The following WSB2 variants were observed in gnomAD, a reference collection of about 807,000 sequenced individuals.
WSB2 encodes the protein WD repeat and SOCS box containing 2.
In WSB2, 12 loss-of-function variants were observed where a neutral mutation model predicts 48.8. The ratio of observed to expected loss-of-function variants is 0.25; its 90% confidence interval spans 0.16 to 0.40. The LOEUF is 0.40. WSB2 is among the 10% of genes least tolerant of loss of function. The pLI is 1.00. For missense variants in WSB2, 317 were observed against 506.2 expected, an observed-to-expected ratio of 0.63 and a Z score of 3.59; for synonymous variants, 191 against 203.1, an observed-to-expected ratio of 0.94 and a Z score of 0.51.
chr12:118,062,112 C>T, upstream of WSB2: 1 of 1,535,392 alleles, frequency 6.5e-7, no homozygotes, highest in South Asian at 1.2e-5. Context: ...CGGCGACAGC[C>T]TCGCCTGTCC....
intron 4 of WSB2, 50 bp downstream of exon 4, chr12:118,042,791 G>A (rs1436918390): frequency 6.3e-7 from 1 of 1,592,658 alleles, no homozygotes; most frequent in South Asian, 1.1e-5. Context: ...AGTGGAGAAA[G>A]CAAATACAGT....
At chr12:118,035,656 G>C (rs2031494581) in intron 6 of WSB2, 1 of 213,190 alleles carries the variant, frequency 4.7e-6, no homozygotes, top group Admixed American at 5.2e-5. Flanking sequence ...CCTATTATTT[G>C]CTTCATAAAA....
At chr12:118,035,577 C>A in intron 6 of WSB2, 3 of 446,100 alleles carry the variant, frequency 6.7e-6, no homozygotes, top group South Asian at 5.6e-5. Context: ...TAGGTCAGCC[C>A]TCACTTTAAT....
At position 118,052,640 on chromosome 12, in the gene WSB2, C is replaced by T. The variant is rs2031876801; in HGVS notation, c.14-162G>A. The T allele has an allele frequency of 1.7e-5, 17 of 1,019,274 alleles. No homozygotes were observed. The South Asian group carries it at 2.5e-4, about 15-fold the overall frequency. The allele number at this position is 1,019,274 out of a possible 1,614,324, so 63.1% of individuals were successfully genotyped here. A position where few individuals can be genotyped will look rare whatever the true frequency, so the allele number is the denominator to read the frequency against. ...GGGCAATAACAGCAGCCACAGGCCA[C>T]ATTCCACCACGGTTACTCAATCCTG... is the stretch of plus-strand genomic sequence containing the variant. On this transcript the variant is annotated intron_variant, in intron 1 of 8. Coordinates refer to ENST00000315436, the MANE Select transcript of WSB2 (RefSeq NM_018639.5).
rs2031516534 is a variant in WSB2, at chr12:118,036,576, G to A, written c.661-66C>T. 6.0e-6 allele frequency: 9 copies of A among 1,500,220 alleles called. No individual in the cohort carries two copies. In the South Asian group the frequency reaches 1.2e-4, roughly 20 times the overall value. The allele number at this position is 1,500,220 out of a possible 1,614,324, so 92.9% of individuals were successfully genotyped here. A position where few individuals can be genotyped will look rare whatever the true frequency, so the allele number is the denominator to read the frequency against. ...GTGCTTAGGACTCAAACGGAGGGAG[G>A]GAAAGGTACCACCACCAAATCTGCA... On this transcript the variant is annotated intron_variant, in intron 5 of 8. Coordinates refer to ENST00000315436, the MANE Select transcript of WSB2 (RefSeq NM_018639.5).
chr12:118,052,749 A>G, intron 1 of WSB2: 1 of 517,534 alleles, frequency 1.9e-6, no homozygotes, highest in Non-Finnish European at 3.5e-6. Flanking sequence ...TTTTCCTATG[A>G]ATACTTGAAG....
chr12:118,048,448 A>G (rs1295545230), intron 2 of WSB2, among the ~76,000 whole-genome samples: 1 of 151,778 alleles, frequency 6.6e-6, no homozygotes, highest in Non-Finnish European at 1.5e-5. Context: ...AAATTAGCTG[A>G]GTGTGGTGGC....
chr12:118,037,281 T>G (rs1382457630), intron 5 of WSB2, among the ~76,000 whole-genome samples: 1 of 152,184 alleles, frequency 6.6e-6, no homozygotes, highest in Non-Finnish European at 1.5e-5. Flanking sequence ...TATGGAACCA[T>G]GGAAATCTGT....
rs1302677115 is a variant in WSB2 at position 118,034,369 on chromosome 12, A to T, written c.1053-11T>A. The T allele has an allele frequency of 5.0e-6, 8 of 1,612,772 alleles. No individual in the cohort carries two copies. Among genetic ancestry groups the T allele is most frequent in the Non-Finnish European group, 5.1e-6 (6 of 1,179,034 alleles). ...TGGCCATCTCTTGTCCTAAAATGAA[A>T]CAGAAACCGATGCTAAGACAGAGCT... On this transcript the variant is annotated splice_polypyrimidine_tract_variant and intron_variant, in intron 8 of 8. Transcript: ENST00000315436.
intron 5 of WSB2, chr12:118,037,933 T>G: frequency 5.5e-6 from 1 of 181,544 alleles, no homozygotes; most frequent in Admixed American, 5.8e-5. Flanking sequence ...GAAATCCGAA[T>G]TAGAGGGATT....
chr12:118,062,161 AT>A, upstream of WSB2: 1 of 1,535,366 alleles, frequency 6.5e-7, no homozygotes, highest in Non-Finnish European at 8.7e-7. Flanking sequence ...GTCTACCCGC[AT>A]AGCCTCAAGA....
At position 118,061,066 on chromosome 12, in the gene WSB2, C is replaced by G; in HGVS notation, c.-18G>C. On this transcript the variant is annotated 5_prime_UTR_variant, in exon 1 of 9. Transcript: ENST00000315436. ...GCCTCCATGGAGGACGCGAGCGGCC[C>G]CCGCGGCAGGCGGCGGGCGCCTCAG... is the stretch of plus-strand genomic sequence containing the variant. The G allele has an allele frequency of 1.0e-6, 1 of 984,300 alleles. No homozygotes were observed. Among genetic ancestry groups the G allele is most frequent in the Non-Finnish European group, 1.2e-6 (1 of 830,444 alleles). The allele number at this position is 984,300 out of a possible 1,614,324, so 61.0% of individuals were successfully genotyped here.
At chr12:118,042,995 G>C in intron 3 of WSB2, 23 bp from the exon 4 acceptor site, 1 of 1,614,064 alleles carries the variant, frequency 6.2e-7, no homozygotes, top group Non-Finnish European at 8.5e-7. Context: ...CAGGGGCACT[G>C]AGTCAGCCAG....
intron 4 of WSB2, 173 bp downstream of exon 4, chr12:118,042,668 T>C (rs2031661050): frequency 2.2e-6 from 2 of 923,314 alleles, no homozygotes; most frequent in African/African-American, 1.7e-5. Flanking sequence ...TATAGTATTA[T>C]CTTTGGGGCG....
chr12:118,037,616 C>T (rs545998699), intron 5 of WSB2, among the ~76,000 whole-genome samples: 1 of 149,510 alleles, frequency 6.7e-6, no homozygotes, highest in Non-Finnish European at 1.5e-5. Context: ...TGCAGTAAGC[C>T]GAGATTGCGT....
chr12:118,044,844 A>T (rs2031713630), intron 2 of WSB2, among the ~76,000 whole-genome samples: 1 of 152,200 alleles, frequency 6.6e-6, no homozygotes, highest in Admixed American at 6.6e-5. Flanking sequence ...CTGGTTGGTT[A>T]AACTGGCGGA....
intron 4 of WSB2, among the ~76,000 whole-genome samples, chr12:118,039,646 G>A (rs1201653774): frequency 6.6e-6 from 1 of 151,942 alleles, no homozygotes; most frequent in African/African-American, 2.4e-5. Flanking sequence ...CAAGAAAGAA[G>A]AAAAAATAAT....
chr12:118,052,474 T>C lies in WSB2; in HGVS notation c.18A>G (p.Glu6=), dbSNP rs1379075563. The change falls in exon 2 of 9, where the codon GAA becomes GAG. Residue 6 remains glutamate, a synonymous_variant. Coordinates refer to ENST00000315436, the MANE Select transcript of WSB2 (RefSeq NM_018639.5). MEAGE[E]PLLLAELKPG... ...GCTTGAGTTCGGCCAGCAGCAGCGG[T>C]TCCTCTGGGGCAGGAGACAACATGC... 2 of 1,613,688 alleles carry C rather than the reference T, an allele frequency of 1.2e-6. No homozygotes were observed. Among genetic ancestry groups the C allele is most frequent in the East Asian group, 2.2e-5 (1 of 44,882 alleles).
At chr12:118,051,777 C>T (rs2031857442) in intron 2 of WSB2, among the ~76,000 whole-genome samples, 1 of 152,194 alleles carries the variant, frequency 6.6e-6, no homozygotes, top group Non-Finnish European at 1.5e-5. Context: ...AGTTTGAGAC[C>T]AGCCTGGCCA....
Sources: allele counts gnomAD v4.1 joint callset (sites outside exome capture counted in the v4.1 genomes callset), GRCh38; gene constraint gnomAD v4.1.1; transcripts MANE v1.5; gene names NCBI Gene and HGNC (gene_info 2026-07-23, HGNC 2026-07-21).